The following SOS1 variants were observed in gnomAD, a reference collection of about 807,000 sequenced individuals.
SOS1 encodes son of sevenless homolog 1.
In SOS1, 25 loss-of-function variants were observed where a neutral mutation model predicts 157.6. That is an observed-to-expected ratio of 0.16 (90% CI 0.12 to 0.22). The LOEUF (loss-of-function observed/expected upper bound fraction) is 0.22. Among genes scored for constraint, SOS1 ranks in the 10% least tolerant of loss-of-function variants. The pLI is 1.00. For missense variants in SOS1, 1,237 were observed against 1,599.1 expected (o/e 0.77, Z 3.86); for synonymous variants, 528 against 534.0 (o/e 0.99, Z 0.16).
At chr2:39,113,474 G>A (rs1673517486) in intron 1 of SOS1, among the ~76,000 whole-genome samples, 2 of 151,530 alleles carry the variant, frequency 1.3e-5, no homozygotes, top group Non-Finnish European at 2.9e-5. Context: ...GAGCCACCAT[G>A]CCCAGCAATA....
intron 14 of SOS1, 148 bp downstream of exon 14, chr2:39,011,978 G>C (rs1012700832): frequency 3.0e-6 from 2 of 677,172 alleles, no homozygotes; most frequent in African/African-American, 1.8e-5. Flanking sequence ...TAAAAGAACA[G>C]GAACTGCCTG....
intron 16 of SOS1, among the ~76,000 whole-genome samples, chr2:39,006,800 G>A (rs1280193349): frequency 1.3e-5 from 2 of 152,074 alleles, no homozygotes; most frequent in Non-Finnish European, 2.9e-5. Flanking sequence ...CAAATTAAGT[G>A]CCGAAAGTTT....
intron 1 of SOS1, among the ~76,000 whole-genome samples, chr2:39,088,504 C>T (rs1672462363): frequency 6.6e-6 from 1 of 152,046 alleles, no homozygotes; most frequent in South Asian, 2.1e-4. Flanking sequence ...CCTGCAGGCT[C>T]TGGAAACTAC....
chr2:39,119,810 G>A (rs1673796809), intron 1 of SOS1, among the ~76,000 whole-genome samples: 1 of 152,190 alleles, frequency 6.6e-6, no homozygotes, highest in Non-Finnish European at 1.5e-5. Flanking sequence ...CTGTTAATCG[G>A]AGGAGCGGGG....
At chr2:39,102,386 G>A (rs1334022889) in intron 1 of SOS1, among the ~76,000 whole-genome samples, 1 of 150,402 alleles carries the variant, frequency 6.6e-6, no homozygotes, top group East Asian at 2.0e-4. Flanking sequence ...TTAGGTGGGT[G>A]TGGTGGTACA....
intron 6 of SOS1, among the ~76,000 whole-genome samples, chr2:39,038,750 T>TAAAAAAAAAAAAAAAAAAAAAAAAA: frequency 1.7e-4 from 3 of 17,528 alleles, no homozygotes; most frequent in Non-Finnish European, 2.6e-4. Flanking sequence ...AAAAAAAAAG[T>TAAAAAAAAAAAAAAAAAAAAAAAAA]CGTTTCTTGA....
chr2:39,006,721 T>A (rs750988721), intron 16 of SOS1, among the ~76,000 whole-genome samples, 192 bp from the exon 17 acceptor site: 6 of 152,136 alleles, frequency 3.9e-5, no homozygotes, highest in South Asian at 2.1e-4. Context: ...TGTGTGTGTG[T>A]GAGAGAGATC....
At chr2:39,053,184 T>G (rs1410930712) in intron 5 of SOS1, among the ~76,000 whole-genome samples, 3 of 152,078 alleles carry the variant, frequency 2.0e-5, no homozygotes, top group Non-Finnish European at 4.4e-5. Context: ...ACCACCAAAC[T>G]GTTTTCCAAA....
chr2:39,080,602 CAT>C (rs1233984153), intron 1 of SOS1, among the ~76,000 whole-genome samples: 2 of 152,114 alleles, frequency 1.3e-5, no homozygotes, highest in Admixed American at 6.5e-5. Context: ...TGTTACAAAA[CAT>C]AAACAGTATA....
At chr2:39,045,888 T>C (rs1211605955) in intron 6 of SOS1, among the ~76,000 whole-genome samples, 1 of 151,948 alleles carries the variant, frequency 6.6e-6, no homozygotes, top group African/African-American at 2.4e-5. Context: ...TTTGTATTTT[T>C]TTTTTAGTAG....
intron 10 of SOS1, 33 bp from the exon 11 acceptor site, chr2:39,014,879 C>T (rs1309435195): frequency 7.4e-6 from 8 of 1,079,058 alleles, no homozygotes; most frequent in Non-Finnish European, 1.2e-5. Context: ...TCTTATTAAA[C>T]TCTATGATTC....
At chr2:39,050,330 T>C (rs934700197) in intron 6 of SOS1, among the ~76,000 whole-genome samples, 3 of 152,180 alleles carry the variant, frequency 2.0e-5, no homozygotes, top group African/African-American at 7.2e-5. Context: ...TTCTATCTCG[T>C]GGTATCTGAA....
At chr2:39,105,247 TTC>T (rs1250734304) in intron 1 of SOS1, among the ~76,000 whole-genome samples, 1 of 152,090 alleles carries the variant, frequency 6.6e-6, no homozygotes, top group Non-Finnish European at 1.5e-5. Context: ...ACAACTTAAA[TTC>T]TGTCAAGACT....
At chr2:39,101,848 G>C (rs562093111) in intron 1 of SOS1, among the ~76,000 whole-genome samples, 2 of 152,082 alleles carry the variant, frequency 1.3e-5, no homozygotes, top group South Asian at 4.2e-4. Context: ...TTGAGCAAAA[G>C]AAAAAATCAT....
intron 6 of SOS1, among the ~76,000 whole-genome samples, chr2:39,048,967 G>C (rs1670896060): frequency 6.6e-6 from 1 of 152,074 alleles, no homozygotes; most frequent in African/African-American, 2.4e-5. Context: ...TCTGTCACTG[G>C]ACGGCAGTGG....
intron 1 of SOS1, among the ~76,000 whole-genome samples, chr2:39,080,789 T>C (rs1020579619): frequency 2.0e-5 from 3 of 152,008 alleles, no homozygotes; most frequent in African/African-American, 7.2e-5. Context: ...AATACCCAAA[T>C]TAGAATTTGT....
intron 17 of SOS1, among the ~76,000 whole-genome samples, chr2:39,004,751 A>C (rs942229351): frequency 6.6e-6 from 1 of 152,218 alleles, no homozygotes; most frequent in East Asian, 1.9e-4. Flanking sequence ...ACGAAAAATG[A>C]CATGGACAAG....
rs182095240 is a variant in SOS1, at chr2:39,101,819, G to C, written c.87+18517C>G. On this transcript the variant is annotated intron_variant, in intron 1 of 22. Coordinates refer to ENST00000402219, the MANE Select transcript of SOS1 (RefSeq NM_005633.4). ...AACACCAGGTGAAGGTGAGGGAACA[G>C]CTTAATGCTACTCACTGCTTGAGCA... Among the ~76,000 whole-genome samples the C allele has an allele frequency of 7.2e-3, 1,100 of 152,230 alleles. 11 individuals carry two copies. Among genetic ancestry groups the C allele is most frequent in the African/African-American group, 0.025 (1,057 of 41,528 alleles).
intron 1 of SOS1, among the ~76,000 whole-genome samples, chr2:39,112,178 C>G (rs1673464331): frequency 6.6e-6 from 1 of 152,138 alleles, no homozygotes; most frequent in Non-Finnish European, 1.5e-5. Context: ...ATATCCCTAT[C>G]TTCTTAATCT....
Sources: gnomAD v4.1 joint callset for allele counts (sites outside exome capture counted in the v4.1 genomes callset) on GRCh38, gnomAD v4.1.1 for gene constraint, MANE v1.5 for transcripts, NCBI Gene and HGNC (gene_info 2026-07-23, HGNC 2026-07-21) for gene names.